The following ATM variants were observed in gnomAD, a reference collection of about 807,000 sequenced individuals.
ATM encodes the protein serine-protein kinase ATM.
ATM carries 308 observed loss-of-function variants against 387.0 expected under a neutral mutation model. That is an observed-to-expected ratio of 0.80 (90% confidence interval 0.73 to 0.87). The LOEUF (loss-of-function observed/expected upper bound fraction) is 0.87, where lower values mean the gene tolerates loss of function less well. ATM is among the 40% of genes least tolerant of loss of function. The pLI, the probability that ATM is intolerant of heterozygous loss-of-function variation, is 0.00. For missense variants in ATM, 3,312 were observed against 3,560.9 expected (o/e 0.93, Z 1.78); for synonymous variants, 1,156 against 1,187.3 (o/e 0.97, Z 0.54).
chr11:108,301,291 C>A (rs534443064), intron 34 of ATM, among the ~76,000 whole-genome samples: 1 of 152,264 alleles, frequency 6.6e-6, no homozygotes, highest in Admixed American at 6.5e-5. Flanking sequence ...AACTTTAGAT[C>A]TTCAAGGGAC....
intron 43 of ATM, 129 bp downstream of exon 43, chr11:108,317,650 T>TACACACAC (rs1261995220): frequency 7.7e-6 from 1 of 130,252 alleles, no homozygotes; most frequent in African/African-American, 4.6e-5. Context: ...TATATATATA[T>TACACACAC]ATACACACAC....
intron 13 of ATM, among the ~76,000 whole-genome samples, chr11:108,255,516 C>T (rs748811064): frequency 6.7e-6 from 1 of 149,770 alleles, no homozygotes; most frequent in Non-Finnish European, 1.5e-5. Flanking sequence ...ACCTTCGCCT[C>T]CTGGGTTCAA....
At position 108,272,775 on chromosome 11, in the gene ATM, T is replaced by G; in HGVS notation, c.3207T>G (p.Pro1069=). Residue 1069 remains proline, a synonymous_variant, in exon 22 of 63, where the codon CCT becomes CCG. Transcript: ENST00000675843. ...TTAATGTAATGGGAAAAGACTTTCC[T>G]GTAAATGAAGTATTTACACAATTTC... ...AILNVMGKDF[P]VNEVFTQFLA... The G allele has an allele frequency of 6.2e-7, 1 of 1,614,140 alleles. No homozygotes were observed. The highest frequency in any genetic ancestry group is 8.5e-7 in the Non-Finnish European group (1 of 1,180,006).
chr11:108,297,143 A>G (rs1287651821), intron 32 of ATM, 144 bp from the exon 33 acceptor site: 4 of 639,470 alleles, frequency 6.3e-6, no homozygotes, highest in African/African-American at 5.5e-5. Flanking sequence ...CATTCCCTAC[A>G]TATTTTTTGA....
In ATM at chr11:108,368,530, C is replaced by G. The variant is rs145076930; in HGVS notation, c.*3022C>G. On this transcript the variant is annotated 3_prime_UTR_variant, in exon 63 of 63. Transcript: ENST00000675843. ...TCAGAATTTGGAGAAATAAGTTGTC[C>G]AAGGCAAGAAGATAGTAAATTATAA... is the stretch of plus-strand genomic sequence containing the variant. 4.3e-4 allele frequency: 94 copies of G among 216,840 alleles called. No homozygotes were observed. Among genetic ancestry groups the G allele is most frequent in the Non-Finnish European group, 7.0e-4 (76 of 107,982 alleles). 13.4% of individuals were successfully genotyped at this position (216,840 alleles called of 1,614,324 possible).
In ATM at chr11:108,227,762, C is replaced by G. The variant is rs766284348; in HGVS notation, c.73-14C>G. 5.6e-6 allele frequency: 9 copies of G among 1,612,598 alleles called. No individual in the cohort carries two copies. The highest frequency in any genetic ancestry group is 7.6e-6 in the Non-Finnish European group (9 of 1,179,030). On this transcript the variant is annotated splice_polypyrimidine_tract_variant and intron_variant, in intron 2 of 62. Transcript: ENST00000675843. Reference sequence around the variant, plus strand: ...GTGATTAGTAACCCATTATTATTTCCTTTTTATTTTCAGAAAGAAGTTGAG... The same window carrying G: ...GTGATTAGTAACCCATTATTATTTCGTTTTTATTTTCAGAAAGAAGTTGAG...
chr11:108,299,296 T>G (rs920703523), intron 33 of ATM, among the ~76,000 whole-genome samples: 1 of 148,978 alleles, frequency 6.7e-6, no homozygotes, highest in African/African-American at 2.5e-5. Flanking sequence ...TTAACAGTTT[T>G]AAGGTTGATT....
rs370425572 is a variant in ATM, at chr11:108,241,529, TTAAA to T, written c.497-2421_497-2418del. ...CTTGTGCTATGACATCACTAAGTAT[TTAAA>T]TAGGAATTTTTCAGTTCTGATACAA... On this transcript the variant is annotated intron_variant, in intron 5 of 62. Coordinates refer to ENST00000675843, the MANE Select transcript of ATM (RefSeq NM_000051.4). Among the ~76,000 whole-genome samples, 505 of 152,256 alleles carry T rather than the reference TTAAA, an allele frequency of 3.3e-3. 3 individuals are homozygous for T. Among genetic ancestry groups the T allele is most frequent in the African/African-American group, 0.012 (492 of 41,542 alleles).
intron 4 of ATM, chr11:108,229,750 G>C (rs2078919872): frequency 5.9e-6 from 1 of 169,292 alleles, no homozygotes; most frequent in South Asian, 1.4e-4. Context: ...TGTGATGATA[G>C]CTCACTGCAG....
At chr11:108,319,818 C>A in intron 43 of ATM, 136 bp from the exon 44 acceptor site, 2 of 653,820 alleles carry the variant, frequency 3.1e-6, no homozygotes, top group Non-Finnish European at 5.3e-6. Context: ...TATTTCTTAC[C>A]AAAAATTCTA....
At chr11:108,320,557 A>G (rs986056696) in intron 44 of ATM, among the ~76,000 whole-genome samples, 1 of 152,250 alleles carries the variant, frequency 6.6e-6, no homozygotes. Flanking sequence ...ATGATATGCT[A>G]GCCACTGTTA....
chr11:108,305,939 G>T (rs893353718), intron 37 of ATM, among the ~76,000 whole-genome samples: 9 of 152,074 alleles, frequency 5.9e-5, no homozygotes, highest in African/African-American at 2.2e-4. Context: ...TTCACTTGTT[G>T]TACTTAAAGA....
At chr11:108,233,388 G>A (rs2079114639) in intron 4 of ATM, among the ~76,000 whole-genome samples, 1 of 151,908 alleles carries the variant, frequency 6.6e-6, no homozygotes, top group Admixed American at 6.6e-5. Context: ...TGGGTAACAT[G>A]GTGAGACCTC....
chr11:108,238,044 A>C (rs544442975), intron 5 of ATM, among the ~76,000 whole-genome samples: 1 of 151,348 alleles, frequency 6.6e-6, no homozygotes, highest in South Asian at 2.1e-4. Flanking sequence ...CTCCTGCCTC[A>C]GCCTCCTGAG....
intron 40 of ATM, 82 bp downstream of exon 40, chr11:108,312,580 C>T: frequency 9.9e-7 from 1 of 1,010,350 alleles, no homozygotes. Context: ...GTACAGATGC[C>T]ATGTGATTTT....
At chr11:108,232,305 G>T (rs2079053029) in intron 4 of ATM, among the ~76,000 whole-genome samples, 1 of 151,990 alleles carries the variant, frequency 6.6e-6, no homozygotes, top group South Asian at 2.1e-4. Flanking sequence ...CAAAACCAGG[G>T]AGTTACTATT....
intron 1 of ATM, chr11:108,223,758 G>C (rs1485738864): frequency 6.6e-6 from 1 of 152,262 alleles, no homozygotes; most frequent in Non-Finnish European, 1.5e-5. Flanking sequence ...GTAGAGGAGT[G>C]ACTTTGGTTC....
At position 108,365,715 on chromosome 11, in the gene ATM, G is replaced by A. The variant is rs1188204774; in HGVS notation, c.*207G>A. 1 of 685,322 alleles carries A rather than the reference G, an allele frequency of 1.5e-6. No homozygotes were observed. Among genetic ancestry groups the A allele is most frequent in the Non-Finnish European group, 2.4e-6 (1 of 422,438 alleles). 42.5% of individuals were successfully genotyped at this position (685,322 alleles called of 1,614,324 possible). ...GGAACATCTCTGCTTTCACTCTTTA[G>A]AAATAATGGTCATTCGGGCTGGGCG... is the stretch of plus-strand genomic sequence containing the variant. On this transcript the variant is annotated 3_prime_UTR_variant, in exon 63 of 63. Transcript: ENST00000675843.
intron 57 of ATM, among the ~76,000 whole-genome samples, chr11:108,344,252 G>C (rs1013078461): frequency 2.6e-5 from 4 of 152,174 alleles, no homozygotes; most frequent in African/African-American, 4.8e-5. Flanking sequence ...CTGGGGTGGG[G>C]AGAATAGACA....
Sources: allele counts gnomAD v4.1 joint callset (sites outside exome capture counted in the v4.1 genomes callset), GRCh38; gene constraint gnomAD v4.1.1; transcripts MANE v1.5; gene names NCBI Gene and HGNC (gene_info 2026-07-23, HGNC 2026-07-21).